CDH11: variants seen among roughly 807,000 people sequenced by gnomAD.
The protein encoded by CDH11 is cadherin-11.
Under a neutral mutation model 67.8 loss-of-function variants are expected in CDH11, and 11 were observed. The observed-to-expected ratio is 0.16, with a 90% CI of 0.10 to 0.27. The LOEUF is 0.27. Among genes scored for constraint, CDH11 ranks in the 10% least tolerant of loss-of-function variants. The pLI is 1.00. For missense variants in CDH11, 847 were observed against 1,031.2 expected (o/e 0.82, Z 2.45); for synonymous variants, 419 against 400.0 (o/e 1.05, Z -0.57).
At chr16:65,080,447 C>T (rs2074590949) in intron 1 of CDH11, among the ~76,000 whole-genome samples, 1 of 152,182 alleles carries the variant, frequency 6.6e-6, no homozygotes, top group Admixed American at 6.5e-5. Flanking sequence ...AATTAACAAA[C>T]ACACCAGTAT....
At chr16:65,098,484 T>A (rs1467883015) in intron 1 of CDH11, among the ~76,000 whole-genome samples, 2 of 152,038 alleles carry the variant, frequency 1.3e-5, no homozygotes, top group Non-Finnish European at 2.9e-5. Context: ...TATGAGATGC[T>A]GGAGAATCGC....
rs141098901 is a variant in CDH11, at chr16:65,056,834, C to T, written c.-297-2906G>A. Among the ~76,000 whole-genome samples, 184 of 152,262 alleles carry T rather than the reference C, an allele frequency of 1.2e-3. 1 individual carries two copies. The highest frequency in any genetic ancestry group is 4.0e-3 in the African/African-American group (166 of 41,564). On this transcript the variant is annotated intron_variant, in intron 1 of 12. Coordinates refer to ENST00000268603, the MANE Select transcript of CDH11 (RefSeq NM_001797.4). ...AAATCTGTAAAAGACCGATCGAACT[C>T]CCCACTTTGTCTTGCATTCTTTACC...
At chr16:65,065,192 T>C (rs1042406132) in intron 1 of CDH11, among the ~76,000 whole-genome samples, 2 of 152,122 alleles carry the variant, frequency 1.3e-5, no homozygotes, top group Admixed American at 6.5e-5. Flanking sequence ...TACAGGAAAG[T>C]AGGTCTTCAC....
chr16:65,065,941 A>T (rs2074305698), intron 1 of CDH11, among the ~76,000 whole-genome samples: 1 of 152,216 alleles, frequency 6.6e-6, no homozygotes, highest in Non-Finnish European at 1.5e-5. Flanking sequence ...TTGAAAGTGG[A>T]GAAATCTAAG....
intron 2 of CDH11, among the ~76,000 whole-genome samples, chr16:65,033,467 G>A (rs1476496757): frequency 6.6e-6 from 1 of 152,142 alleles, no homozygotes; most frequent in East Asian, 1.9e-4. Flanking sequence ...GTGGTCGGGT[G>A]CGGTGGCTCA....
Position 64,945,818 on chromosome 16 carries a change from T to C in CDH11, c.*1785A>G. On this transcript the variant is annotated 3_prime_UTR_variant, in exon 13 of 13. Coordinates refer to ENST00000268603, the MANE Select transcript of CDH11 (RefSeq NM_001797.4). The stretch of plus-strand genomic sequence containing the variant: ...TACATAACATGATATCAAGAAATGC[T>C]TGAAACAAACTTTCACAATAAAGTC... 9.5e-7 allele frequency: 1 copy of C among 1,049,782 alleles called. No individual in the cohort carries two copies. Among genetic ancestry groups the C allele is most frequent in the Non-Finnish European group, 1.2e-6 (1 of 869,536 alleles). 65.0% of individuals were successfully genotyped at this position (1,049,782 alleles called of 1,614,324 possible).
At chr16:65,067,115 C>T (rs2074325266) in intron 1 of CDH11, among the ~76,000 whole-genome samples, 1 of 151,526 alleles carries the variant, frequency 6.6e-6, no homozygotes, top group Admixed American at 6.6e-5. Flanking sequence ...AGAAGCTCTA[C>T]TTTATCCATT....
chr16:64,969,374 T>G (rs1457453181), intron 11 of CDH11, among the ~76,000 whole-genome samples: 1 of 152,120 alleles, frequency 6.6e-6, no homozygotes, highest in Non-Finnish European at 1.5e-5. Context: ...TTGCTAGGAA[T>G]ACAGCCCCAG....
chr16:65,078,892 T>C (rs948993155), intron 1 of CDH11, among the ~76,000 whole-genome samples: 2 of 152,172 alleles, frequency 1.3e-5, no homozygotes, highest in Non-Finnish European at 2.9e-5. Context: ...CTGTAAGCAA[T>C]GTATAATCCA....
At chr16:65,099,557 G>A (rs966398062) in intron 1 of CDH11, among the ~76,000 whole-genome samples, 1 of 152,100 alleles carries the variant, frequency 6.6e-6, no homozygotes, top group African/African-American at 2.4e-5. Context: ...AGACACAAAA[G>A]CTATGTTCTG....
chr16:65,123,414 A>C (rs1165829580), upstream of CDH11, among the ~76,000 whole-genome samples: 1 of 151,924 alleles, frequency 6.6e-6, no homozygotes, highest in Non-Finnish European at 1.5e-5. Context: ...ACAGCCAAGC[A>C]GTTTGAAAGG....
rs1259511684 is a variant in CDH11, at chr16:65,122,059, G to A, written c.-477C>T. On this transcript the variant is annotated 5_prime_UTR_variant, in exon 1 of 13. Transcript: ENST00000268603. ...GCTCCCCTCAGCTGGCGGCGGCCGC[G>A]GAATGAGCCGCCGAGCGCGCTAGTG... The A allele has an allele frequency of 6.5e-6, 4 of 616,322 alleles. No homozygotes were observed. The highest frequency in any genetic ancestry group is 3.8e-5 in the African/African-American group (2 of 52,172). 38.2% of individuals were successfully genotyped at this position (616,322 alleles called of 1,614,324 possible).
chr16:64,945,503 C>T lies in CDH11; in HGVS notation c.*2100G>A, dbSNP rs2071181341. ...ACTTATTTAAATGCTATTCATATTC[C>T]TTTTGAGTTATTTCTTCATTGCAAA... On this transcript the variant is annotated 3_prime_UTR_variant, in exon 13 of 13. Transcript: ENST00000268603. The T allele has an allele frequency of 1.9e-6, 2 of 1,033,176 alleles. No homozygotes were observed. Among genetic ancestry groups the T allele is most frequent in the Non-Finnish European group, 2.3e-6 (2 of 858,690 alleles). The allele number at this position is 1,033,176 out of a possible 1,614,324, so 64.0% of individuals were successfully genotyped here.
At chr16:65,079,925 G>A (rs1180031660) in intron 1 of CDH11, among the ~76,000 whole-genome samples, 1 of 152,002 alleles carries the variant, frequency 6.6e-6, no homozygotes, top group African/African-American at 2.4e-5. Context: ...AGCTCAAATT[G>A]CATTATAATT....
chr16:64,992,701 C>A lies in CDH11; in HGVS notation c.643+214G>T, dbSNP rs77966953. 6.5e-4 allele frequency among the ~76,000 whole-genome samples: 99 copies of A among 152,292 alleles called. 1 individual carries two copies. In the East Asian group the frequency reaches 0.014, roughly 22 times the overall value. On this transcript the variant is annotated intron_variant, in intron 5 of 12. Coordinates refer to ENST00000268603, the MANE Select transcript of CDH11 (RefSeq NM_001797.4). ...TAGATTATAGTTGTTATTGGGTCATCGTGAAATATGGGAAAACCAACAATA... is the reference window on the plus strand; with the variant it reads ...TAGATTATAGTTGTTATTGGGTCATAGTGAAATATGGGAAAACCAACAATA...
chr16:65,090,474 C>A (rs778517414), intron 1 of CDH11, among the ~76,000 whole-genome samples: 1 of 152,112 alleles, frequency 6.6e-6, no homozygotes, highest in African/African-American at 2.4e-5. Flanking sequence ...CCATCTGCAT[C>A]TTGATGATGC....
chr16:64,957,845 A>T (rs1277562559), intron 11 of CDH11, among the ~76,000 whole-genome samples: 3 of 152,188 alleles, frequency 2.0e-5, no homozygotes, highest in Non-Finnish European at 4.4e-5. Context: ...TTGAAAAATT[A>T]ATTTTAAGTT....
intron 11 of CDH11, among the ~76,000 whole-genome samples, chr16:64,954,917 A>G (rs965931701): frequency 6.7e-6 from 1 of 149,758 alleles, no homozygotes; most frequent in African/African-American, 2.5e-5. Context: ...CAGCCTGGCC[A>G]AAATAGTAAA....
chr16:65,065,034 T>A (rs1319329721), intron 1 of CDH11, among the ~76,000 whole-genome samples: 1 of 152,114 alleles, frequency 6.6e-6, no homozygotes, highest in Non-Finnish European at 1.5e-5. Context: ...TGCACCGCAT[T>A]TTCATTAATA....
Sources: gnomAD v4.1 joint callset for allele counts (sites outside exome capture counted in the v4.1 genomes callset) on GRCh38, gnomAD v4.1.1 for gene constraint, MANE v1.5 for transcripts, NCBI Gene and HGNC (gene_info 2026-07-23, HGNC 2026-07-21) for gene names.